Variants in TUSC3 observed in about 807,000 individuals in gnomAD.
The protein encoded by TUSC3 is tumor suppressor candidate 3.
TUSC3 carries 45 observed loss-of-function variants against 44.8 expected under a neutral mutation model. The observed-to-expected ratio is 1.00, with a 90% confidence interval of 0.79 to 1.29. TUSC3 has a LOEUF of 1.29. TUSC3 is among the 50% of genes most tolerant of loss of function. The pLI is 0.00. For synonymous variants in TUSC3, 212 were observed against 152.9 expected (o/e 1.39, Z -2.85); for missense variants, 519 against 437.9 (o/e 1.19, Z -1.65).
At chr8:15,679,237 T>C (rs1422852468) in intron 6 of TUSC3, among the ~76,000 whole-genome samples, 1 of 152,184 alleles carries the variant, frequency 6.6e-6, no homozygotes, top group Non-Finnish European at 1.5e-5. Flanking sequence ...TGTATAAGCA[T>C]TCCCTTTTCT....
intron 6 of TUSC3, among the ~76,000 whole-genome samples, chr8:15,711,037 T>C (rs1270629028): frequency 6.6e-6 from 1 of 151,556 alleles, no homozygotes; most frequent in Non-Finnish European, 1.5e-5. Context: ...ATTAAGAACT[T>C]CTCATCTAAA....
chr8:15,848,315 A>T, the TUSC3 span, among the ~76,000 whole-genome samples: 3 of 152,212 alleles, frequency 2.0e-5, no homozygotes, highest in Admixed American at 1.3e-4. Flanking sequence ...TAACTGTAGA[A>T]TGTGCTGACA....
At chr8:15,768,347 A>G (rs191239800), downstream of TUSC3, among the ~76,000 whole-genome samples, 2 of 152,240 alleles carry the variant, frequency 1.3e-5, no homozygotes, top group East Asian at 3.9e-4. Flanking sequence ...GGCAGAATCT[A>G]GTTTCCAGAG....
At chr8:15,570,029 A>G (rs1332460725) in intron 1 of TUSC3, among the ~76,000 whole-genome samples, 2 of 152,090 alleles carry the variant, frequency 1.3e-5, no homozygotes, top group Non-Finnish European at 2.9e-5. Flanking sequence ...TTTGGATCCT[A>G]TATATATTGA....
chr8:15,574,410 A>G (rs1317129791), intron 1 of TUSC3, among the ~76,000 whole-genome samples: 3 of 152,152 alleles, frequency 2.0e-5, no homozygotes, highest in African/African-American at 7.2e-5. Context: ...CATTCTTATT[A>G]CATGTTTTGT....
intron 1 of TUSC3, among the ~76,000 whole-genome samples, chr8:15,573,202 C>CTATATATATATATATATATA (rs373565575): frequency 1.3e-5 from 1 of 74,204 alleles, no homozygotes; most frequent in African/African-American, 5.4e-5. Context: ...CTCTCTCTCT[C>CTATATATATATATATATATA]TATATATATA....
chr8:15,728,445 A>T lies in TUSC3; in HGVS notation c.799-2221A>T, dbSNP rs193201813. Among the ~76,000 whole-genome samples the T allele has an allele frequency of 3.9e-4, 52 of 132,248 alleles. No homozygotes were observed. In the East Asian group the frequency reaches 0.011, roughly 29 times the overall value. 86.8% of individuals were successfully genotyped at this position (132,248 alleles called of 152,430 possible). On this transcript the variant is annotated intron_variant, in intron 6 of 10. Coordinates refer to ENST00000503731, the MANE Select transcript of TUSC3 (RefSeq NM_006765.4). Reference sequence around the variant, plus strand: ...CCAACAGTATTTTCTGAATGATTGGATGTGTGGAGAGGGAGGGAGGGAGGG... The same window carrying T: ...CCAACAGTATTTTCTGAATGATTGGTTGTGTGGAGAGGGAGGGAGGGAGGG...
At chr8:15,835,225 A>C in the TUSC3 span, among the ~76,000 whole-genome samples, 1 of 152,120 alleles carries the variant, frequency 6.6e-6, no homozygotes, top group Non-Finnish European at 1.5e-5. Context: ...AGGTTTGTAA[A>C]CTTATTTACG....
chr8:15,555,276 A>ATTTTTTTTTTTTTTTTT (rs35757466), intron 1 of TUSC3, among the ~76,000 whole-genome samples: 1 of 44,892 alleles, frequency 2.2e-5, no homozygotes, highest in African/African-American at 1.1e-4. Context: ...TGCCAGGCTA[A>ATTTTTTTTTTTTTTTTT]TTTTTTTTTT....
chr8:15,844,144 A>G, the TUSC3 span, among the ~76,000 whole-genome samples: 85,637 of 151,752 alleles, frequency 0.56, 26,531 homozygotes, highest in Non-Finnish European at 0.71. Context: ...GCACCATGAC[A>G]AACAATTTTA....
chr8:15,795,159 G>A, the TUSC3 span, among the ~76,000 whole-genome samples: 4 of 152,098 alleles, frequency 2.6e-5, no homozygotes, highest in Non-Finnish European at 5.9e-5. Flanking sequence ...GGGATCCCAG[G>A]CCTAACCAGC....
At chr8:15,502,186 T>G (rs1800976127) in intron 2 of TUSC3, among the ~76,000 whole-genome samples, 1 of 152,208 alleles carries the variant, frequency 6.6e-6, no homozygotes. Flanking sequence ...AACTATGATT[T>G]TTGTCTTTCT....
chr8:15,662,130 T>C, intron 4 of TUSC3, 26 bp from the exon 5 acceptor site: 1 of 1,611,896 alleles, frequency 6.2e-7, no homozygotes, highest in Non-Finnish European at 8.5e-7. Flanking sequence ...TCTTTCATTT[T>C]TGAAATTTCT....
chr8:15,499,043 T>C (rs1049729523), intron 2 of TUSC3, among the ~76,000 whole-genome samples: 1 of 152,004 alleles, frequency 6.6e-6, no homozygotes, highest in Admixed American at 6.6e-5. Context: ...TTCCAAATTA[T>C]TCTCTCCATT....
chr8:15,564,064 A>T (rs904457100), intron 1 of TUSC3, among the ~76,000 whole-genome samples: 6 of 152,180 alleles, frequency 3.9e-5, no homozygotes, highest in African/African-American at 1.2e-4. Context: ...ATTATAGGAG[A>T]AACCATTATT....
rs77443081 is a variant in TUSC3 at position 15,752,056 on chromosome 8, C to G, written c.1028+3591C>G. Among the ~76,000 whole-genome samples, 38 of 152,152 alleles carry G rather than the reference C, an allele frequency of 2.5e-4. 1 individual carries two copies. In the East Asian group the frequency reaches 5.8e-3, roughly 23 times the overall value. On this transcript the variant is annotated intron_variant, in intron 9 of 10. Coordinates refer to ENST00000503731, the MANE Select transcript of TUSC3 (RefSeq NM_006765.4). ...TGGAGAAAATACATACATCCATGAACCGGGGAATAACAATATAAAGTGTCA... is the reference window on the plus strand; with the variant it reads ...TGGAGAAAATACATACATCCATGAAGCGGGGAATAACAATATAAAGTGTCA...
the TUSC3 span, among the ~76,000 whole-genome samples, chr8:15,789,257 G>C: frequency 1.3e-5 from 2 of 152,154 alleles, no homozygotes; most frequent in Non-Finnish European, 2.9e-5. Context: ...GCAGTTGCTT[G>C]CAATGTTCAG....
Position 15,523,682 on chromosome 8 carries a change from G to GTATATATATA in TUSC3, n.189+40200_189+40201insATATATATAT, listed in dbSNP as rs1167010172. Among the ~76,000 whole-genome samples, 19 of 38,648 alleles carry GTATATATATA rather than the reference G, an allele frequency of 4.9e-4. 1 individual carries two copies. Among genetic ancestry groups the GTATATATATA allele is most frequent in the African/African-American group, 1.3e-3 (17 of 12,622 alleles). 25.4% of individuals were successfully genotyped at this position (38,648 alleles called of 152,430 possible). A position where few individuals can be genotyped will look rare whatever the true frequency, so the allele number is the denominator to read the frequency against. On this transcript the variant is annotated intron_variant and non_coding_transcript_variant, in intron 2 of 5. Transcript: ENST00000503191. ...TATATATATGTGTGTGTGTGTGTGT[G>GTATATATATA]TGTGTGTGTGTGTGTGTGTGTGTGT...
chr8:15,558,842 C>T (rs184773917), intron 1 of TUSC3, among the ~76,000 whole-genome samples: 3,478 of 149,640 alleles, frequency 0.023, 143 homozygotes, highest in African/African-American at 0.078. Flanking sequence ...TCTGTGGGAT[C>T]GGTGGTGATA....
Sources: allele counts gnomAD v4.1 joint callset (sites outside exome capture counted in the v4.1 genomes callset), GRCh38; gene constraint gnomAD v4.1.1; transcripts MANE v1.5; gene names NCBI Gene and HGNC (gene_info 2026-07-23, HGNC 2026-07-21).